Variants in ARHGAP8 observed in about 807,000 individuals in gnomAD.
ARHGAP8 encodes rho GTPase-activating protein 8.
A neutral mutation model predicts 46.1 loss-of-function variants in ARHGAP8; 62 were observed. That is an observed-to-expected ratio of 1.34 (90% CI 1.10 to 1.66). The LOEUF (loss-of-function observed/expected upper bound fraction) is 1.66, where lower values mean the gene tolerates loss of function less well. ARHGAP8 is among the 40% of genes most tolerant of loss of function. The probability of loss-of-function intolerance (pLI) is 0.00; values close to 1 mark genes in which losing one functional copy is unlikely to be tolerated. For missense variants in ARHGAP8, 923 were observed against 568.4 expected (o/e 1.62, Z -6.34); for synonymous variants, 375 against 243.1 (o/e 1.54, Z -5.05).
At chr22:44,859,522 A>C in intron 10 of ARHGAP8, 1 of 592,406 alleles carries the variant, frequency 1.7e-6, no homozygotes, top group Non-Finnish European at 3.0e-6. Context: ...TTTTCTTATA[A>C]ATAACCCCAT....
chr22:44,853,338 T>C (rs2070142820), intron 10 of ARHGAP8, among the ~76,000 whole-genome samples: 1 of 152,218 alleles, frequency 6.6e-6, no homozygotes, highest in South Asian at 2.1e-4. Context: ...CTGAAGTTTA[T>C]ATCAAGTCTT....
chr22:44,849,168 C>G, intron 10 of ARHGAP8, 108 bp downstream of exon 10: 1 of 1,555,606 alleles, frequency 6.4e-7, no homozygotes, highest in Non-Finnish European at 8.6e-7. Flanking sequence ...CGTGTACCCA[C>G]CCTCCTCCTG....
At chr22:44,814,556 GT>G (rs1929596069) in intron 4 of ARHGAP8, 115 bp from the exon 5 acceptor site, 1 of 846,258 alleles carries the variant, frequency 1.2e-6, no homozygotes, top group Admixed American at 2.7e-5. Flanking sequence ...AATTGATCCT[GT>G]TGAGAGGAGT....
In ARHGAP8 at chr22:44,862,750, C is replaced by T. The variant is rs1043588178; in HGVS notation, c.*155C>T. The T allele has an allele frequency of 2.2e-6, 2 of 921,866 alleles. No homozygotes were observed. Among genetic ancestry groups the T allele is most frequent in the African/African-American group, 3.3e-5 (2 of 60,428 alleles). The allele number at this position is 921,866 out of a possible 1,614,324, so 57.1% of individuals were successfully genotyped here. A position where few individuals can be genotyped will look rare whatever the true frequency, so the allele number is the denominator to read the frequency against. On this transcript the variant is annotated 3_prime_UTR_variant, in exon 12 of 12. Transcript: ENST00000356099. The stretch of plus-strand genomic sequence containing the variant: ...ATGCCTCTGGTCCTTGGACTCTTGT[C>T]CATGGTTCCTGAGCTGTGGACCGGG...
intron 7 of ARHGAP8, among the ~76,000 whole-genome samples, chr22:44,842,418 C>A (rs1420621799): frequency 2.0e-5 from 3 of 152,102 alleles, no homozygotes; most frequent in African/African-American, 7.2e-5. Context: ...CCAGTCATTT[C>A]CTTGGGATGA....
chr22:44,862,353 T>TCCCAGGGGGTCTCCTC lies in ARHGAP8; in HGVS notation c.1063_1078dup (p.Leu360ProfsTer17). The TCCCAGGGGGTCTCCTC allele has an allele frequency of 5.6e-6, 9 of 1,614,054 alleles. No homozygotes were observed. Among genetic ancestry groups the TCCCAGGGGGTCTCCTC allele is most frequent in the Non-Finnish European group, 7.6e-6 (9 of 1,179,956 alleles). On this transcript the variant is annotated frameshift_variant, in exon 12 of 12. Transcript: ENST00000356099. LOFTEE classifies it low-confidence loss of function (END_TRUNC). ...CTTCGGGCTGAATTTGATCTGGCCATCCCAGGGGGTCTCCTCCCTGAGTGC... is the reference window on the plus strand; with the variant it reads ...CTTCGGGCTGAATTTGATCTGGCCATCCCAGGGGGTCTCCTCCCCAGGGGGTCTCCTCCCTGAGTGC...
chr22:44,848,816 C>A (rs558162188), intron 9 of ARHGAP8, 116 bp from the exon 10 acceptor site: 78 of 1,542,376 alleles, frequency 5.1e-5, no homozygotes, highest in Admixed American at 7.2e-5. Context: ...ACACATGGCT[C>A]CAGCATCAGG....
At position 44,832,887 on chromosome 22, in the gene ARHGAP8, G is replaced by C. The variant is rs144562149; in HGVS notation, c.596+7294G>C. ...TGTACCTATATTCTCAGCTATTTGG[G>C]AGATTGAGGTGGGAGGATCACTTGA... On this transcript the variant is annotated intron_variant, in intron 7 of 11. Transcript: ENST00000356099. Among the ~76,000 whole-genome samples, 552 of 152,194 alleles carry C rather than the reference G, an allele frequency of 3.6e-3. 2 individuals are homozygous for C. The highest frequency in any genetic ancestry group is 5.6e-3 in the Admixed American group (85 of 15,284).
intron 1 of ARHGAP8, among the ~76,000 whole-genome samples, chr22:44,764,601 G>A (rs561331193): frequency 1.3e-5 from 2 of 152,330 alleles, no homozygotes; most frequent in East Asian, 3.9e-4. Flanking sequence ...CCAACTTGCT[G>A]TGTGCCTTTG....
chr22:44,766,169 T>G (rs1362822942), intron 1 of ARHGAP8: 1 of 152,558 alleles, frequency 6.6e-6, no homozygotes, highest in Non-Finnish European at 1.5e-5. Context: ...TCAGAAGCCG[T>G]GGTCTGGTCT....
chr22:44,797,204 T>C (rs1026072274), intron 2 of ARHGAP8, among the ~76,000 whole-genome samples: 3 of 149,860 alleles, frequency 2.0e-5, no homozygotes, highest in African/African-American at 7.5e-5. Context: ...CCAGACATGA[T>C]AATGCTACTT....
chr22:44,826,071 T>C lies in ARHGAP8; in HGVS notation c.596+478T>C, dbSNP rs1040456585. Among the ~76,000 whole-genome samples, 9 of 152,154 alleles carry C rather than the reference T, an allele frequency of 5.9e-5. No homozygotes were observed. The South Asian group carries it at 1.9e-3, about 32-fold the overall frequency. The stretch of plus-strand genomic sequence containing the variant: ...GGGTACACAGACACTTCCCACCACC[T>C]TCAAGGAGGGCGTGGTCATGGGATG... On this transcript the variant is annotated intron_variant, in intron 7 of 11. Coordinates refer to ENST00000356099, the MANE Select transcript of ARHGAP8 (RefSeq NM_181335.3).
chr22:44,825,846 C>T (rs1930479618), intron 7 of ARHGAP8, among the ~76,000 whole-genome samples: 2 of 114,296 alleles, frequency 1.7e-5, no homozygotes, highest in South Asian at 5.8e-4. Flanking sequence ...GGTTGGGGGG[C>T]GCGTGCTCGC....
intron 10 of ARHGAP8, among the ~76,000 whole-genome samples, chr22:44,854,456 C>A (rs2070173044): frequency 6.6e-6 from 1 of 151,828 alleles, no homozygotes; most frequent in Admixed American, 6.6e-5. Context: ...TAGTCTTGAA[C>A]TCCTGACCTC....
At chr22:44,860,782 G>A (rs948871026) in intron 11 of ARHGAP8, among the ~76,000 whole-genome samples, 7 of 152,116 alleles carry the variant, frequency 4.6e-5, no homozygotes, top group Non-Finnish European at 1.0e-4. Context: ...ACACATCCAC[G>A]TGGGTCCACC....
At chr22:44,814,865 G>T (rs1394146770) in intron 5 of ARHGAP8, 107 bp downstream of exon 5, 10 of 1,348,668 alleles carry the variant, frequency 7.4e-6, no homozygotes, top group Non-Finnish European at 1.0e-5. Flanking sequence ...CCGTCTCCAG[G>T]GTGCCTGTGT....
intron 10 of ARHGAP8, among the ~76,000 whole-genome samples, chr22:44,858,544 TTTTTTTTA>T (rs1244660684): frequency 7.5e-6 from 1 of 133,490 alleles, no homozygotes; most frequent in Non-Finnish European, 1.6e-5. Context: ...TTTTTTTTTT[TTTTTTTTA>T]AGTAACAGGG....
chr22:44,766,460 G>A (rs972800333), intron 1 of ARHGAP8, among the ~76,000 whole-genome samples: 1 of 151,892 alleles, frequency 6.6e-6, no homozygotes, highest in Non-Finnish European at 1.5e-5. Flanking sequence ...GTGTCTCTGT[G>A]TACGTGTCTC....
Position 44,859,852 on chromosome 22 carries a change from G to GA in ARHGAP8, c.981+19dup, listed in dbSNP as rs144073078. On this transcript the variant is annotated intron_variant, in intron 11 of 11. Coordinates refer to ENST00000356099, the MANE Select transcript of ARHGAP8 (RefSeq NM_181335.3). ...TGCATGCGGTGAGTGGGGAAGGGGG[G>GA]AGCTTGGGGTGAAGCCCAGTGGCCT... 1,804 of 1,611,110 alleles carry GA rather than the reference G, an allele frequency of 1.1e-3. 23 individuals are homozygous for GA. In the African/African-American group the frequency reaches 0.021, roughly 18 times the overall value.
Sources: allele counts gnomAD v4.1 joint callset (sites outside exome capture counted in the v4.1 genomes callset), GRCh38; gene constraint gnomAD v4.1.1; transcripts MANE v1.5; gene names NCBI Gene and HGNC (gene_info 2026-07-23, HGNC 2026-07-21).